OPCML: variants seen among roughly 807,000 people sequenced by gnomAD.
The protein encoded by OPCML is opioid-binding protein/cell adhesion molecule.
OPCML carries 13 observed loss-of-function variants against 37.8 expected under a neutral mutation model. That is an observed-to-expected ratio of 0.34 (90% CI 0.22 to 0.55). The LOEUF (loss-of-function observed/expected upper bound fraction) is 0.55, where lower values mean the gene tolerates loss of function less well. Among genes scored for constraint, OPCML ranks in the 20% least tolerant of loss-of-function variants. OPCML has a pLI of 0.91. For synonymous variants in OPCML, 176 were observed against 168.8 expected (o/e 1.04, Z -0.33); for missense variants, 341 against 435.6 (o/e 0.78, Z 1.93).
At chr11:133,343,540 C>T (rs1038285636) in intron 1 of OPCML, among the ~76,000 whole-genome samples, 2 of 152,102 alleles carry the variant, frequency 1.3e-5, no homozygotes, top group African/African-American at 4.8e-5. Flanking sequence ...CGTTTTCAAC[C>T]CTGGGAGTGA....
intron 1 of OPCML, among the ~76,000 whole-genome samples, chr11:133,369,663 G>A (rs575548383): frequency 6.6e-6 from 1 of 152,004 alleles, no homozygotes; most frequent in African/African-American, 2.4e-5. Context: ...TTCCAAATGG[G>A]CTTGAAAAGA....
At chr11:133,071,798 A>ATT (rs1200190445) in intron 1 of OPCML, among the ~76,000 whole-genome samples, 1 of 152,216 alleles carries the variant, frequency 6.6e-6, no homozygotes, top group Non-Finnish European at 1.5e-5. Flanking sequence ...AGCTACAAAC[A>ATT]TTCATTCCAA....
chr11:132,569,917 C>T (rs2096433305), intron 3 of OPCML, among the ~76,000 whole-genome samples: 1 of 151,376 alleles, frequency 6.6e-6, no homozygotes, highest in Non-Finnish European at 1.5e-5. Context: ...AATTTCACCA[C>T]CCAGAGGCCT....
At chr11:132,817,384 T>C (rs1433197684) in intron 2 of OPCML, among the ~76,000 whole-genome samples, 7 of 152,152 alleles carry the variant, frequency 4.6e-5, no homozygotes, top group African/African-American at 1.7e-4. Context: ...AAATAAATTT[T>C]CTTTGTATCT....
chr11:133,192,949 C>T (rs1050177774), intron 1 of OPCML, among the ~76,000 whole-genome samples: 1 of 149,526 alleles, frequency 6.7e-6, no homozygotes, highest in African/African-American at 2.5e-5. Flanking sequence ...AATAAAGGTT[C>T]GAGATAAATG....
intron 3 of OPCML, among the ~76,000 whole-genome samples, chr11:132,604,957 G>A (rs1351739538): frequency 6.6e-6 from 1 of 152,162 alleles, no homozygotes; most frequent in Non-Finnish European, 1.5e-5. Context: ...TTTGAAGGTG[G>A]TGAGTATACC....
intron 1 of OPCML, among the ~76,000 whole-genome samples, chr11:133,305,101 A>C (rs1040889113): frequency 2.0e-5 from 3 of 152,054 alleles, no homozygotes; most frequent in African/African-American, 7.2e-5. Context: ...CATTACAATC[A>C]CTATCTCTTT....
intron 7 of OPCML, among the ~76,000 whole-genome samples, chr11:132,434,266 G>A (rs982843517): frequency 6.6e-6 from 1 of 152,214 alleles, no homozygotes; most frequent in Non-Finnish European, 1.5e-5. Flanking sequence ...AGCAGTGATA[G>A]TTGAGGAGCT....
At chr11:132,521,780 A>G (rs191501195) in intron 4 of OPCML, among the ~76,000 whole-genome samples, 11 of 152,322 alleles carry the variant, frequency 7.2e-5, no homozygotes, top group Admixed American at 1.3e-4. Context: ...TAAAATTAAA[A>G]TTAAAAATTA....
chr11:133,011,835 T>C (rs545666422), intron 1 of OPCML, among the ~76,000 whole-genome samples: 11 of 152,298 alleles, frequency 7.2e-5, no homozygotes, highest in African/African-American at 2.6e-4. Context: ...CTTCTGCAAA[T>C]AGCATGCATT....
intron 1 of OPCML, among the ~76,000 whole-genome samples, chr11:133,161,985 C>CTTTGTTTTTTTTT (rs1950148129): frequency 2.3e-5 from 2 of 85,482 alleles, no homozygotes; most frequent in Admixed American, 1.4e-4. Context: ...CAGTCTCTGT[C>CTTTGTTTTTTTTT]TTTTTTTTTT....
chr11:132,723,431 C>T (rs1242630946), intron 2 of OPCML, among the ~76,000 whole-genome samples: 2 of 152,178 alleles, frequency 1.3e-5, no homozygotes, highest in African/African-American at 4.8e-5. Flanking sequence ...CGGTTAATCA[C>T]TCCTTCTGAA....
At position 133,421,828 on chromosome 11, in the gene OPCML, G is replaced by A. The variant is rs369262773; in HGVS notation, c.61+110436C>T. 12 of 933,240 alleles carry A rather than the reference G, an allele frequency of 1.3e-5. No homozygotes were observed. In the African/African-American group the frequency reaches 1.8e-4, roughly 14 times the overall value. The allele number at this position is 933,240 out of a possible 1,614,324, so 57.8% of individuals were successfully genotyped here. A position where few individuals can be genotyped will look rare whatever the true frequency, so the allele number is the denominator to read the frequency against. On this transcript the variant is annotated intron_variant, in intron 1 of 7. Coordinates refer to ENST00000524381, the MANE Select transcript of OPCML (RefSeq NM_001012393.5). ...CTGAGTCCTCAGGCACCACAGAGCA[G>A]AAACAAGCCATCCCTACTGTAACCT...
intron 2 of OPCML, among the ~76,000 whole-genome samples, chr11:132,742,956 A>G (rs148852057): frequency 3.5e-4 from 54 of 152,248 alleles, no homozygotes; most frequent in Non-Finnish European, 7.1e-4. Flanking sequence ...GGTAAATTAC[A>G]ATACGTCCTA....
At chr11:133,201,304 G>GAT (rs1938776631) in intron 1 of OPCML, among the ~76,000 whole-genome samples, 1 of 65,134 alleles carries the variant, frequency 1.5e-5, no homozygotes. Flanking sequence ...AACAATGCAT[G>GAT]CTTTTTTTTT....
At chr11:133,518,447 A>T (rs1948331571) in intron 1 of OPCML, among the ~76,000 whole-genome samples, 1 of 151,542 alleles carries the variant, frequency 6.6e-6, no homozygotes, top group South Asian at 2.1e-4. Flanking sequence ...GTGGGCAGGT[A>T]TGGGTATTTG....
intron 1 of OPCML, among the ~76,000 whole-genome samples, chr11:133,475,100 T>C (rs953208879): frequency 6.6e-6 from 1 of 152,234 alleles, no homozygotes; most frequent in African/African-American, 2.4e-5. Flanking sequence ...GTTGCTGTTA[T>C]GGAAATATTT....
At chr11:133,115,758 A>G (rs1482464921) in intron 1 of OPCML, among the ~76,000 whole-genome samples, 1 of 152,112 alleles carries the variant, frequency 6.6e-6, no homozygotes, top group East Asian at 1.9e-4. Context: ...AACTTAGAGG[A>G]AAAACATGAT....
chr11:133,092,505 T>C (rs1399538560), intron 1 of OPCML, among the ~76,000 whole-genome samples: 1 of 151,990 alleles, frequency 6.6e-6, no homozygotes, highest in African/African-American at 2.4e-5. Flanking sequence ...GGCGGGCAGA[T>C]CATGAGGTCA....
Sources: gnomAD v4.1 joint callset for allele counts (sites outside exome capture counted in the v4.1 genomes callset) on GRCh38, gnomAD v4.1.1 for gene constraint, MANE v1.5 for transcripts, NCBI Gene and HGNC (gene_info 2026-07-23, HGNC 2026-07-21) for gene names.